Variants in LTBP1 observed in about 807,000 individuals in gnomAD.
LTBP1 encodes the protein latent-transforming growth factor beta-binding protein 1.
A neutral mutation model predicts 207.6 loss-of-function variants in LTBP1; 129 were observed. That is an observed-to-expected ratio of 0.62 (90% CI 0.54 to 0.72). The LOEUF (loss-of-function observed/expected upper bound fraction) is 0.72. LTBP1 is among the 30% of genes least tolerant of loss of function. The probability of loss-of-function intolerance (pLI) is 0.00; values close to 1 mark genes in which losing one functional copy is unlikely to be tolerated. For synonymous variants in LTBP1, 963 were observed against 833.7 expected (o/e 1.16, Z -2.67); for missense variants, 2,281 against 2,217.2 (o/e 1.03, Z -0.58).
At chr2:32,953,995 G>A (rs1472930773) in intron 2 of LTBP1, among the ~76,000 whole-genome samples, 4 of 152,128 alleles carry the variant, frequency 2.6e-5, no homozygotes, top group African/African-American at 7.2e-5. Flanking sequence ...TAACTTGTGT[G>A]GTGCTGTGGA....
intron 3 of LTBP1, among the ~76,000 whole-genome samples, chr2:33,036,140 A>G (rs2149360408): frequency 6.6e-6 from 1 of 152,264 alleles, no homozygotes; most frequent in East Asian, 1.9e-4. Flanking sequence ...TGGCTCTCAA[A>G]CTGGAGCATG....
intron 3 of LTBP1, among the ~76,000 whole-genome samples, chr2:33,044,882 C>T (rs2076370812): frequency 6.6e-6 from 1 of 152,064 alleles, no homozygotes; most frequent in Non-Finnish European, 1.5e-5. Flanking sequence ...AGCTTTTTTT[C>T]ATGTGTGTTG....
chr2:33,356,025 G>T (rs1413529461), intron 26 of LTBP1, among the ~76,000 whole-genome samples: 2 of 151,732 alleles, frequency 1.3e-5, no homozygotes, highest in Non-Finnish European at 2.9e-5. Context: ...CCAGGGGTTT[G>T]GTCTAGGTTC....
chr2:32,967,859 A>T (rs1004603566), intron 2 of LTBP1, among the ~76,000 whole-genome samples: 1 of 152,172 alleles, frequency 6.6e-6, no homozygotes, highest in Non-Finnish European at 1.5e-5. Context: ...TTGAATTCCA[A>T]TTATGTCCTT....
chr2:33,258,765 C>G (rs2092930333), intron 12 of LTBP1, among the ~76,000 whole-genome samples: 1 of 152,142 alleles, frequency 6.6e-6, no homozygotes, highest in Non-Finnish European at 1.5e-5. Context: ...TTTACTTTGT[C>G]TGGTACCCTG....
At chr2:33,389,596 T>C (rs3820909) in intron 32 of LTBP1, among the ~76,000 whole-genome samples, 8,093 of 152,090 alleles carry the variant, frequency 0.053, 614 homozygotes, top group East Asian at 0.22. Flanking sequence ...AAAAGAACCA[T>C]TGCATTTGAT....
At chr2:33,023,193 T>C (rs1443425260) in intron 3 of LTBP1, among the ~76,000 whole-genome samples, 3 of 152,196 alleles carry the variant, frequency 2.0e-5, no homozygotes, top group Non-Finnish European at 4.4e-5. Context: ...AAGAGTCAGA[T>C]TACTGTGAAT....
At position 33,348,207 on chromosome 2, in the gene LTBP1, A is replaced by G. The variant is rs6738910; in HGVS notation, c.4000+697A>G. ...AGCCAAGTAAAATGAAACATAGACC[A>G]TTTTTTTTTCTTTCTCAGTCAGTTT... On this transcript the variant is annotated intron_variant, in intron 26 of 33. Coordinates refer to ENST00000404816, the MANE Select transcript of LTBP1 (RefSeq NM_206943.4). 1.0e-2 allele frequency among the ~76,000 whole-genome samples: 1,504 copies of G among 151,050 alleles called. 35 individuals are homozygous for G. Among genetic ancestry groups the G allele is most frequent in the African/African-American group, 0.035 (1,433 of 41,136 alleles).
chr2:33,311,769 A>T (rs2094191606), intron 23 of LTBP1, among the ~76,000 whole-genome samples: 11 of 152,174 alleles, frequency 7.2e-5, no homozygotes, highest in Admixed American at 7.2e-4. Context: ...GCACTACTTC[A>T]TTCTCTCAAT....
At chr2:33,089,155 C>CAAAAAAAAAAAAAAAAAA (rs61009791) in intron 3 of LTBP1, among the ~76,000 whole-genome samples, 1 of 96,388 alleles carries the variant, frequency 1.0e-5, no homozygotes, top group Non-Finnish European at 2.2e-5. Flanking sequence ...GACTCAGTCT[C>CAAAAAAAAAAAAAAAAAA]AAAAAAAAAA....
At position 33,110,586 on chromosome 2, in the gene LTBP1, A is replaced by ACTCCTCTTTCTTCCCAGAGTGT; in HGVS notation, c.869_890dup (p.Val298SerfsTer37). 6.2e-7 allele frequency: 1 copy of ACTCCTCTTTCTTCCCAGAGTGT among 1,611,952 alleles called. No homozygotes were observed. Among genetic ancestry groups the ACTCCTCTTTCTTCCCAGAGTGT allele is most frequent in the Non-Finnish European group, 8.5e-7 (1 of 1,178,928 alleles). On this transcript the variant is annotated frameshift_variant, in exon 4 of 34. Coordinates refer to ENST00000404816, the MANE Select transcript of LTBP1 (RefSeq NM_206943.4). LOFTEE classifies it high-confidence loss of function. ...CTTTATTTTGTTTCTTCCCAGAGTG[A>ACTCCTCTTTCTTCCCAGAGTGT]CTCCTCTTTCTTCCCAGAGTGTGGT...
At chr2:33,230,463 C>G (rs2091721337) in intron 9 of LTBP1, among the ~76,000 whole-genome samples, 1 of 152,248 alleles carries the variant, frequency 6.6e-6, no homozygotes, top group East Asian at 1.9e-4. Context: ...TTGCTACTCT[C>G]AGCATTATGG....
intron 28 of LTBP1, 25 bp downstream of exon 28, chr2:33,361,540 T>C (rs752394282): frequency 6.6e-7 from 1 of 1,520,484 alleles, no homozygotes; most frequent in Admixed American, 1.7e-5. Flanking sequence ...GAAACAAATT[T>C]TCAGCACATT....
At chr2:33,319,994 C>T (rs1289203851) in intron 24 of LTBP1, among the ~76,000 whole-genome samples, 1 of 152,168 alleles carries the variant, frequency 6.6e-6, no homozygotes, top group African/African-American at 2.4e-5. Context: ...GTTCTAGGTA[C>T]TGGGGCCTTG....
intron 2 of LTBP1, among the ~76,000 whole-genome samples, chr2:32,974,025 A>C (rs1043295471): frequency 2.0e-5 from 3 of 152,336 alleles, no homozygotes; most frequent in Non-Finnish European, 4.4e-5. Flanking sequence ...TGTTGCTTCC[A>C]AATGTTAGCT....
At chr2:33,394,953 G>A (rs1034888362) in intron 32 of LTBP1, among the ~76,000 whole-genome samples, 2 of 152,120 alleles carry the variant, frequency 1.3e-5, no homozygotes, top group Non-Finnish European at 2.9e-5. Context: ...GTTTGCTAAG[G>A]ATGATAGGCC....
At chr2:33,073,400 A>T (rs1477535210) in intron 3 of LTBP1, among the ~76,000 whole-genome samples, 1 of 152,020 alleles carries the variant, frequency 6.6e-6, no homozygotes, top group Non-Finnish European at 1.5e-5. Flanking sequence ...TCTTGTGTGC[A>T]CTTTCAATAT....
intron 19 of LTBP1, among the ~76,000 whole-genome samples, chr2:33,291,308 T>A (rs2093770304): frequency 6.6e-6 from 1 of 152,252 alleles, no homozygotes; most frequent in Non-Finnish European, 1.5e-5. Flanking sequence ...AGAAATTGAT[T>A]TTGCTGTTAT....
At chr2:33,135,031 C>G in intron 5 of LTBP1, 71 bp downstream of exon 5, 2 of 1,443,978 alleles carry the variant, frequency 1.4e-6, no homozygotes, top group South Asian at 2.8e-5. Context: ...TTTAGACACC[C>G]CCTCCATTCA....
Sources: gnomAD v4.1 joint callset for allele counts (sites outside exome capture counted in the v4.1 genomes callset) on GRCh38, gnomAD v4.1.1 for gene constraint, MANE v1.5 for transcripts, NCBI Gene and HGNC (gene_info 2026-07-23, HGNC 2026-07-21) for gene names.